APPBP2: variants seen among roughly 807,000 people sequenced by gnomAD.
APPBP2 encodes the protein amyloid beta precursor protein binding protein 2.
APPBP2 carries 15 observed loss-of-function variants against 76.0 expected under a neutral mutation model. The ratio of observed to expected loss-of-function variants is 0.20; its 90% CI spans 0.13 to 0.30. The LOEUF (loss-of-function observed/expected upper bound fraction) is 0.30. Ranked by LOEUF, APPBP2 falls within the 10% of genes least tolerant of loss-of-function variation. The pLI, the probability that APPBP2 is intolerant of heterozygous loss-of-function variation, is 1.00. For missense variants in APPBP2, 401 were observed against 687.2 expected, an observed-to-expected ratio of 0.58 and a Z score of 4.66; for synonymous variants, 222 against 242.2, an observed-to-expected ratio of 0.92 and a Z score of 0.77.
intron 9 of APPBP2, 93 bp downstream of exon 9, chr17:60,460,568 CTA>C: frequency 1.6e-6 from 2 of 1,259,526 alleles, no homozygotes; most frequent in Non-Finnish European, 2.2e-6. Flanking sequence ...ATATCAAGTA[CTA>C]TTATTAATGT....
chr17:60,526,206 C>A lies in APPBP2; in HGVS notation c.-275G>T. 2.3e-6 allele frequency: 1 copy of A among 441,982 alleles called. No homozygotes were observed. 27.4% of individuals were successfully genotyped at this position (441,982 alleles called of 1,614,324 possible). A position where few individuals can be genotyped will look rare whatever the true frequency, so the allele number is the denominator to read the frequency against. On this transcript the variant is annotated 5_prime_UTR_variant, in exon 1 of 13. Transcript: ENST00000083182. ...GTTCGAGAGGAACCCGGGTTCCGTC[C>A]CAGCGCTGATCTCTGCAGGGGCGGG...
rs1461449451 is a variant in APPBP2 at position 60,462,013 on chromosome 17, G to A, written c.811C>T (p.His271Tyr). Residue 271 changes from histidine to tyrosine, a missense_variant, in exon 7 of 13, where the codon CAT becomes TAT. This residue lies in a region of APPBP2 where 130 missense variants were observed against 322.7 expected (regional missense o/e 0.40). Coordinates refer to ENST00000083182, the MANE Select transcript of APPBP2 (RefSeq NM_006380.5). ...EFKKAEQLIKHAVYLARDHFG... is the reference protein window; with the variant it reads ...EFKKAEQLIKYAVYLARDHFG... The stretch of plus-strand genomic sequence containing the variant: ...ACCTACCGTGCCAAATACACTGCAT[G>A]TTTAATTAACTGTTCTGCCTTCTTA... 3.1e-6 allele frequency: 5 copies of A among 1,613,442 alleles called. No homozygotes were observed. The highest frequency in any genetic ancestry group is 4.2e-6 in the Non-Finnish European group (5 of 1,179,548).
chr17:60,456,686 G>A (rs186291617), intron 9 of APPBP2, among the ~76,000 whole-genome samples: 62 of 152,000 alleles, frequency 4.1e-4, no homozygotes, highest in African/African-American at 1.4e-3. Flanking sequence ...AACCCTCTCC[G>A]CCTTCCCCTC....
intron 11 of APPBP2, among the ~76,000 whole-genome samples, chr17:60,453,933 T>C (rs937887127): frequency 3.3e-5 from 5 of 152,132 alleles, no homozygotes; most frequent in African/African-American, 9.7e-5. Context: ...AGGGCAGTGA[T>C]GTGATCATAG....
chr17:60,483,905 T>A (rs1220998146), intron 3 of APPBP2, among the ~76,000 whole-genome samples: 1 of 152,116 alleles, frequency 6.6e-6, no homozygotes, highest in African/African-American at 2.4e-5. Context: ...TTAATTTTTG[T>A]ATAACGTGTA....
At chr17:60,490,419 T>C (rs183850071) in intron 3 of APPBP2, among the ~76,000 whole-genome samples, 1 of 152,308 alleles carries the variant, frequency 6.6e-6, no homozygotes, top group East Asian at 1.9e-4. Flanking sequence ...GTGCAGTGGC[T>C]CATGCCTGTA....
chr17:60,459,847 C>T (rs2090464139), intron 9 of APPBP2: 1 of 152,178 alleles, frequency 6.6e-6, no homozygotes, highest in African/African-American at 2.4e-5. Flanking sequence ...CTCCCAGCCT[C>T]CTATAGGCTG....
At chr17:60,519,501 A>ATT (rs112385495) in intron 1 of APPBP2, among the ~76,000 whole-genome samples, 1 of 149,634 alleles carries the variant, frequency 6.7e-6, no homozygotes, top group African/African-American at 2.5e-5. Flanking sequence ...AAAGGAGAAA[A>ATT]TTTTTTTTTT....
At chr17:60,518,068 C>CTT (rs67907414) in intron 1 of APPBP2, among the ~76,000 whole-genome samples, 20 of 122,362 alleles carry the variant, frequency 1.6e-4, no homozygotes, top group African/African-American at 5.5e-4. Flanking sequence ...TTACAATTTC[C>CTT]TTTTTTTTTT....
At chr17:60,512,706 G>T (rs559367074) in intron 1 of APPBP2, among the ~76,000 whole-genome samples, 1 of 151,364 alleles carries the variant, frequency 6.6e-6, no homozygotes, top group Non-Finnish European at 1.5e-5. Flanking sequence ...GTGATGGCAC[G>T]CACCTGTAGT....
chr17:60,493,424 ATACAT>A (rs539990500), intron 3 of APPBP2, among the ~76,000 whole-genome samples: 19 of 152,354 alleles, frequency 1.2e-4, no homozygotes, highest in Admixed American at 2.6e-4. Context: ...AATTGTATAC[ATACAT>A]TAAACAATAT....
At chr17:60,456,413 CT>C in intron 9 of APPBP2, 32 bp from the exon 10 acceptor site, 1 of 1,337,990 alleles carries the variant, frequency 7.5e-7, no homozygotes. Flanking sequence ...TCTGGCATTT[CT>C]TTTTAGTTAC....
At chr17:60,457,401 C>A (rs896790376) in intron 9 of APPBP2, among the ~76,000 whole-genome samples, 1 of 151,914 alleles carries the variant, frequency 6.6e-6, no homozygotes, top group African/African-American at 2.4e-5. Flanking sequence ...TTTAACTTGT[C>A]TGCTGAGGTT....
At chr17:60,493,856 G>A (rs2090751683) in intron 3 of APPBP2, among the ~76,000 whole-genome samples, 1 of 152,100 alleles carries the variant, frequency 6.6e-6, no homozygotes, top group Admixed American at 6.6e-5. Flanking sequence ...GGCCAGGCTG[G>A]TCTCGAACTA....
intron 12 of APPBP2, among the ~76,000 whole-genome samples, chr17:60,450,369 C>T (rs188352835): frequency 7.9e-4 from 118 of 149,746 alleles, no homozygotes; most frequent in African/African-American, 2.6e-3. Flanking sequence ...ACCTGGGAGT[C>T]GGAGGTTGCA....
In APPBP2 at chr17:60,476,640, G is replaced by A. The variant is rs557544175; in HGVS notation, c.503+2508C>T. ...AAAGACATAAGGTCTTGGTATACAGGCAGTGAGCTGGCATTATAAATGGCT... is the reference window on the plus strand; with the variant it reads ...AAAGACATAAGGTCTTGGTATACAGACAGTGAGCTGGCATTATAAATGGCT... On this transcript the variant is annotated intron_variant, in intron 4 of 12. Coordinates refer to ENST00000083182, the MANE Select transcript of APPBP2 (RefSeq NM_006380.5). Among the ~76,000 whole-genome samples, 217 of 152,286 alleles carry A rather than the reference G, an allele frequency of 1.4e-3. 1 individual carries two copies. Among genetic ancestry groups the A allele is most frequent in the Non-Finnish European group, 2.7e-3 (183 of 68,016 alleles).
intron 4 of APPBP2, chr17:60,477,459 T>A (rs781549855): frequency 2.6e-5 from 4 of 152,162 alleles, no homozygotes; most frequent in Non-Finnish European, 5.9e-5. Context: ...CATAGCAATA[T>A]ATAACTAACC....
chr17:60,524,982 A>G (rs183507548), intron 1 of APPBP2, among the ~76,000 whole-genome samples: 24 of 152,354 alleles, frequency 1.6e-4, no homozygotes, highest in Admixed American at 1.5e-3. Flanking sequence ...AATAGTCCAC[A>G]TCTAAGGACA....
At chr17:60,482,682 AT>A (rs1258654188) in intron 3 of APPBP2, among the ~76,000 whole-genome samples, 2 of 152,146 alleles carry the variant, frequency 1.3e-5, no homozygotes, top group African/African-American at 4.8e-5. Context: ...AACATGTGGT[AT>A]TTGGTTTTCT....
Sources: allele counts gnomAD v4.1 joint callset (sites outside exome capture counted in the v4.1 genomes callset), GRCh38; gene constraint gnomAD v4.1.1; regional missense constraint gnomAD v4.1.1; transcripts MANE v1.5; gene names NCBI Gene and HGNC (gene_info 2026-07-23, HGNC 2026-07-21).